The following ITGA9 variants were observed in gnomAD, a reference collection of about 807,000 sequenced individuals.
The protein encoded by ITGA9 is integrin subunit alpha 9.
In ITGA9, 56 loss-of-function variants were observed where a neutral mutation model predicts 127.8. That is an observed-to-expected ratio of 0.44 (90% CI 0.35 to 0.55). The LOEUF (loss-of-function observed/expected upper bound fraction) is 0.55. Among genes scored for constraint, ITGA9 ranks in the 20% least tolerant of loss-of-function variants. The probability of loss-of-function intolerance (pLI) is 0.00; values close to 1 mark genes in which losing one functional copy is unlikely to be tolerated. For missense variants in ITGA9, 1,196 were observed against 1,347.1 expected (o/e 0.89, Z 1.76); for synonymous variants, 508 against 514.5 (o/e 0.99, Z 0.17).
chr3:37,702,350 G>C (rs1052681248), intron 18 of ITGA9, among the ~76,000 whole-genome samples: 3 of 152,196 alleles, frequency 2.0e-5, no homozygotes, highest in African/African-American at 7.2e-5. Context: ...ACTTCTCCCA[G>C]ATGAAGATTT....
intron 22 of ITGA9, among the ~76,000 whole-genome samples, chr3:37,744,699 G>A (rs1190830139): frequency 6.6e-6 from 1 of 152,200 alleles, no homozygotes; most frequent in Admixed American, 6.5e-5. Flanking sequence ...GGGTAATTTA[G>A]GCTTTGTGGG....
At position 37,809,104 on chromosome 3, in the gene ITGA9, T is replaced by G. The variant is rs1305329314; in HGVS notation, c.3009+5162T>G. Among the ~76,000 whole-genome samples the G allele has an allele frequency of 2.6e-5, 4 of 151,330 alleles. No individual in the cohort carries two copies. In the East Asian group the frequency reaches 7.7e-4, roughly 29 times the overall value. On this transcript the variant is annotated intron_variant, in intron 27 of 27. Transcript: ENST00000264741. ...AAATCTTTTCTTTTTTTTTTTTTTT[T>G]TGTGGCAGTCCCACTCTGTCACTCA...
chr3:37,661,849 C>T (rs973059087), intron 17 of ITGA9, among the ~76,000 whole-genome samples: 3 of 152,088 alleles, frequency 2.0e-5, no homozygotes, highest in Non-Finnish European at 4.4e-5. Flanking sequence ...GGAGCAGCTT[C>T]CAAGAGGTGG....
chr3:37,817,479 A>G (rs112114411), intron 27 of ITGA9, among the ~76,000 whole-genome samples: 2 of 152,164 alleles, frequency 1.3e-5, no homozygotes, highest in African/African-American at 4.8e-5. Flanking sequence ...GGAAGCCAAT[A>G]AAAGATTTGT....
intron 8 of ITGA9, among the ~76,000 whole-genome samples, chr3:37,513,346 G>A (rs556405206): frequency 3.3e-5 from 5 of 152,314 alleles, no homozygotes; most frequent in African/African-American, 1.2e-4. Flanking sequence ...CCTTGCTGCT[G>A]GAAGTTGGGT....
At chr3:37,456,769 C>A (rs2125545377) in intron 1 of ITGA9, among the ~76,000 whole-genome samples, 1 of 152,268 alleles carries the variant, frequency 6.6e-6, no homozygotes, top group South Asian at 2.1e-4. Context: ...AGAACATATC[C>A]TTGATTTGCA....
chr3:37,530,487 C>A (rs1306459530), intron 13 of ITGA9, among the ~76,000 whole-genome samples: 1 of 152,102 alleles, frequency 6.6e-6, no homozygotes, highest in Non-Finnish European at 1.5e-5. Context: ...AACTATATGA[C>A]CTCAAATTAG....
intron 25 of ITGA9, among the ~76,000 whole-genome samples, chr3:37,784,679 A>G (rs1201806560): frequency 6.6e-6 from 1 of 152,208 alleles, no homozygotes; most frequent in African/African-American, 2.4e-5. Flanking sequence ...ACATGTCAAT[A>G]TCAATATCCA....
chr3:37,488,941 T>C (rs1698638914), intron 4 of ITGA9, among the ~76,000 whole-genome samples: 2 of 152,200 alleles, frequency 1.3e-5, no homozygotes, highest in East Asian at 3.8e-4. Flanking sequence ...TTTTGCATCA[T>C]CCCAAACTAA....
intron 18 of ITGA9, among the ~76,000 whole-genome samples, chr3:37,687,348 T>A (rs545728624): frequency 6.6e-6 from 1 of 152,146 alleles, no homozygotes; most frequent in East Asian, 1.9e-4. Context: ...TTTGAGAGGC[T>A]CTGAGAATTC....
intron 1 of ITGA9, among the ~76,000 whole-genome samples, chr3:37,466,798 A>G (rs942168794): frequency 1.3e-5 from 2 of 152,242 alleles, no homozygotes; most frequent in Non-Finnish European, 2.9e-5. Context: ...AAAGCAGAGA[A>G]GTAGCTTGAT....
intron 15 of ITGA9, among the ~76,000 whole-genome samples, chr3:37,568,329 A>AT (rs760233392): frequency 1.3e-5 from 2 of 151,982 alleles, no homozygotes; most frequent in East Asian, 3.9e-4. Flanking sequence ...CCATGAAACC[A>AT]TTTTTTCCTC....
At chr3:37,585,642 A>G (rs1325208421) in intron 15 of ITGA9, 1 of 516,488 alleles carries the variant, frequency 1.9e-6, no homozygotes, top group Non-Finnish European at 3.9e-6. Context: ...GAACATGAAG[A>G]ATGTTTGTGG....
At chr3:37,682,598 C>T (rs1700744222) in intron 17 of ITGA9, among the ~76,000 whole-genome samples, 1 of 152,194 alleles carries the variant, frequency 6.6e-6, no homozygotes, top group South Asian at 2.1e-4. Flanking sequence ...CCAGACCCCT[C>T]CTTCAACTCC....
rs73824845 is a variant in ITGA9 at position 37,604,832 on chromosome 3, A to T, written c.1690-24355A>T. 4.0e-3 allele frequency among the ~76,000 whole-genome samples: 616 copies of T among 152,300 alleles called. 8 individuals carry two copies. The highest frequency in any genetic ancestry group is 0.014 in the African/African-American group (568 of 41,552). On this transcript the variant is annotated intron_variant, in intron 15 of 27. Coordinates refer to ENST00000264741, the MANE Select transcript of ITGA9 (RefSeq NM_002207.3). Reference sequence around the variant, plus strand: ...TGCAGAGGTTCTCAGATGTTCAGAGAGGCTTCCTCTCCCCTTCCATGAAAG... The same window carrying T: ...TGCAGAGGTTCTCAGATGTTCAGAGTGGCTTCCTCTCCCCTTCCATGAAAG...
intron 17 of ITGA9, among the ~76,000 whole-genome samples, chr3:37,681,253 A>G (rs1700731808): frequency 6.6e-6 from 1 of 152,220 alleles, no homozygotes; most frequent in African/African-American, 2.4e-5. Context: ...TTCAGAGCAT[A>G]GACAAGAAGG....
intron 15 of ITGA9, among the ~76,000 whole-genome samples, chr3:37,603,008 C>T (rs1428791352): frequency 6.6e-6 from 1 of 152,226 alleles, no homozygotes; most frequent in African/African-American, 2.4e-5. Context: ...CCAATGATGG[C>T]ATGTCTTGCT....
chr3:37,696,132 A>G (rs1700882639), intron 18 of ITGA9, among the ~76,000 whole-genome samples: 1 of 152,198 alleles, frequency 6.6e-6, no homozygotes, highest in Admixed American at 6.5e-5. Context: ...GCACCATGCC[A>G]CAAGGTGGGG....
intron 25 of ITGA9, among the ~76,000 whole-genome samples, chr3:37,784,456 G>T (rs1163976334): frequency 3.9e-5 from 6 of 152,008 alleles, no homozygotes; most frequent in Admixed American, 3.3e-4. Context: ...TCTCCATCAG[G>T]CATCCTCTTT....
Sources: gnomAD v4.1 joint callset for allele counts (sites outside exome capture counted in the v4.1 genomes callset) on GRCh38, gnomAD v4.1.1 for gene constraint, MANE v1.5 for transcripts, NCBI Gene and HGNC (gene_info 2026-07-23, HGNC 2026-07-21) for gene names.